RBFOX3: variants seen among roughly 807,000 people sequenced by gnomAD.
RBFOX3 encodes the protein RNA binding protein fox-1 homolog 3.
A neutral mutation model predicts 48.7 loss-of-function variants in RBFOX3; 17 were observed. The ratio of observed to expected loss-of-function variants is 0.35; its 90% CI spans 0.24 to 0.52. RBFOX3 has a LOEUF of 0.52. Ranked by LOEUF, RBFOX3 falls within the 20% of genes least tolerant of loss-of-function variation. The pLI is 0.94. For synonymous variants in RBFOX3, 212 were observed against 209.5 expected, an observed-to-expected ratio of 1.01 and a Z score of -0.10; for missense variants, 382 against 497.5, an observed-to-expected ratio of 0.77 and a Z score of 2.21.
At chr17:79,602,213 A>G (rs1201129939) in intron 1 of RBFOX3, 1 of 152,222 alleles carries the variant, frequency 6.6e-6, no homozygotes, top group Non-Finnish European at 1.5e-5. Flanking sequence ...GCCATCGTCC[A>G]CCTGCTCTCC....
At position 79,351,553 on chromosome 17, in the gene RBFOX3, G is replaced by A. The variant is rs530135445; in HGVS notation, c.-174-43729C>T. Among the ~76,000 whole-genome samples, 5 of 152,292 alleles carry A rather than the reference G, an allele frequency of 3.3e-5. No individual in the cohort carries two copies. In the South Asian group the frequency reaches 1.0e-3, roughly 32 times the overall value. Reference sequence around the variant, plus strand: ...CTTACTGTGTGCCAGGTGGAGTCTTGTTGAGGGTCTGATTTGCATTTCCTT... The same window carrying A: ...CTTACTGTGTGCCAGGTGGAGTCTTATTGAGGGTCTGATTTGCATTTCCTT... On this transcript the variant is annotated intron_variant, in intron 2 of 14. Transcript: ENST00000693108.
At chr17:79,239,087 A>C (rs1442243243) in intron 3 of RBFOX3, among the ~76,000 whole-genome samples, 12 of 152,174 alleles carry the variant, frequency 7.9e-5, no homozygotes, top group Non-Finnish European at 1.8e-4. Context: ...ATTTGGGAGC[A>C]ACCAACTCCA....
At chr17:79,627,487 G>T in the RBFOX3 span, among the ~76,000 whole-genome samples, 1 of 152,230 alleles carries the variant, frequency 6.6e-6, no homozygotes, top group African/African-American at 2.4e-5. Context: ...TCTGCTAACA[G>T]GAAAGACCCC....
intron 14 of RBFOX3, among the ~76,000 whole-genome samples, chr17:79,093,860 G>A (rs906594450): frequency 2.0e-5 from 3 of 148,068 alleles, no homozygotes; most frequent in Admixed American, 6.7e-5. Flanking sequence ...TCCCCGCCCC[G>A]CCCCTTCCAC....
chr17:79,099,142 G>C (rs2075971991), intron 9 of RBFOX3: 1 of 152,430 alleles, frequency 6.6e-6, no homozygotes, highest in African/African-American at 2.4e-5. Context: ...GGGGGTAGGG[G>C]GGCACAGTTT....
intron 4 of RBFOX3, among the ~76,000 whole-genome samples, chr17:79,124,892 C>A (rs1438314881): frequency 6.6e-6 from 1 of 151,662 alleles, no homozygotes; most frequent in African/African-American, 2.4e-5. Context: ...CTGGCTCTGT[C>A]CTGGACCATG....
intron 3 of RBFOX3, among the ~76,000 whole-genome samples, chr17:79,292,621 T>C (rs11653195): frequency 2.6e-3 from 170 of 65,186 alleles, no homozygotes; most frequent in African/African-American, 0.012. Context: ...CACACATACA[T>C]GCAGACCCAG....
intron 4 of RBFOX3, among the ~76,000 whole-genome samples, chr17:79,230,284 G>A (rs1050400405): frequency 6.6e-6 from 1 of 152,034 alleles, no homozygotes; most frequent in Non-Finnish European, 1.5e-5. Context: ...TTTTGAGATG[G>A]AGTCTTGCTT....
the RBFOX3 span, among the ~76,000 whole-genome samples, chr17:79,638,567 G>T: frequency 2.6e-5 from 4 of 152,182 alleles, no homozygotes; most frequent in South Asian, 6.2e-4. Flanking sequence ...ACATCCTATA[G>T]TTTGGATGTT....
At chr17:79,460,662 G>A (rs868914515) in intron 2 of RBFOX3, among the ~76,000 whole-genome samples, 1 of 152,242 alleles carries the variant, frequency 6.6e-6, no homozygotes, top group African/African-American at 2.4e-5. Flanking sequence ...GGTCATGAGA[G>A]TCTGCCCTCA....
the RBFOX3 span, among the ~76,000 whole-genome samples, chr17:79,663,649 T>C: frequency 6.6e-6 from 1 of 152,212 alleles, no homozygotes; most frequent in Non-Finnish European, 1.5e-5. Context: ...ACTACTTGTG[T>C]GTAACTTGCT....
At chr17:79,664,083 CG>C in the RBFOX3 span, among the ~76,000 whole-genome samples, 1 of 152,004 alleles carries the variant, frequency 6.6e-6, no homozygotes, top group African/African-American at 2.4e-5. Context: ...CACCTCTGCT[CG>C]GGTGGGAGAA....
intron 4 of RBFOX3, among the ~76,000 whole-genome samples, chr17:79,193,034 G>C (rs1347947885): frequency 6.6e-6 from 1 of 152,218 alleles, no homozygotes; most frequent in Non-Finnish European, 1.5e-5. Flanking sequence ...CTTCCTGGCT[G>C]AACCTCATCC....
At chr17:79,420,411 C>T (rs2066117894) in intron 2 of RBFOX3, among the ~76,000 whole-genome samples, 2 of 152,184 alleles carry the variant, frequency 1.3e-5, no homozygotes, top group Admixed American at 6.5e-5. Flanking sequence ...ACGAAGGGAG[C>T]ATGGGAGGAA....
chr17:79,293,051 A>T (rs1395477748), intron 3 of RBFOX3, among the ~76,000 whole-genome samples: 3 of 152,080 alleles, frequency 2.0e-5, no homozygotes, highest in Admixed American at 2.0e-4. Flanking sequence ...AACTGCTTCT[A>T]TTTTACAGTG....
Position 79,278,650 on chromosome 17 carries a change from G to A in RBFOX3, c.-74+29074C>T, listed in dbSNP as rs550250283. Among the ~76,000 whole-genome samples the A allele has an allele frequency of 1.7e-3, 257 of 152,354 alleles. 1 individual carries two copies. Among genetic ancestry groups the A allele is most frequent in the Non-Finnish European group, 3.0e-3 (205 of 68,028 alleles). ...AGATCTGCCCTGCCAGCGGCAGCCC[G>A]CACGGCTTGTGTCTCTGTCTGGTGT... On this transcript the variant is annotated intron_variant, in intron 3 of 14. Transcript: ENST00000693108.
intron 2 of RBFOX3, among the ~76,000 whole-genome samples, chr17:79,313,339 G>A (rs1393270535): frequency 7.2e-5 from 11 of 152,288 alleles, no homozygotes; most frequent in African/African-American, 1.2e-4. Flanking sequence ...TCCAGAGCAC[G>A]GACCTCCCAG....
chr17:79,302,724 C>T (rs531059250), intron 3 of RBFOX3, among the ~76,000 whole-genome samples: 1 of 152,212 alleles, frequency 6.6e-6, no homozygotes, highest in African/African-American at 2.4e-5. Flanking sequence ...ATACCAAGTC[C>T]CAGGCTTCAT....
At chr17:79,100,978 G>A (rs2076322215) in intron 9 of RBFOX3, among the ~76,000 whole-genome samples, 1 of 152,188 alleles carries the variant, frequency 6.6e-6, no homozygotes, top group Non-Finnish European at 1.5e-5. Context: ...AAAGCCCCAG[G>A]AAGGCAGTTA....
Sources: gnomAD v4.1 joint callset for allele counts (sites outside exome capture counted in the v4.1 genomes callset) on GRCh38, gnomAD v4.1.1 for gene constraint, MANE v1.5 for transcripts, NCBI Gene and HGNC (gene_info 2026-07-23, HGNC 2026-07-21) for gene names.